AACS: variants seen among roughly 807,000 people sequenced by gnomAD.
AACS encodes acetoacetyl-CoA synthetase.
Under a neutral mutation model 83.1 loss-of-function variants are expected in AACS, and 69 were observed. The observed-to-expected ratio is 0.83, with a 90% CI of 0.68 to 1.01. The LOEUF (loss-of-function observed/expected upper bound fraction) is 1.01, where lower values mean the gene tolerates loss of function less well. Among genes scored for constraint, AACS ranks in the 50% least tolerant of loss-of-function variants. AACS has a pLI of 0.00. For missense variants in AACS, 866 were observed against 882.2 expected, an observed-to-expected ratio of 0.98 and a Z score of 0.23; for synonymous variants, 333 against 343.4, an observed-to-expected ratio of 0.97 and a Z score of 0.33.
At position 125,129,114 on chromosome 12, in the gene AACS, G is replaced by A. The variant is rs1045238810; in HGVS notation, c.1424-221G>A. On this transcript the variant is annotated intron_variant, in intron 13 of 17. Transcript: ENST00000316519. The surrounding 1 kb of genome is among the most constrained non-coding windows in gnomAD (Gnocchi z 4.3). Reference sequence around the variant, plus strand: ...ACACATGGGAATAACAAATCACTACGTCCGAGACAGCGATTTTGGGGAGCA... The same window carrying A: ...ACACATGGGAATAACAAATCACTACATCCGAGACAGCGATTTTGGGGAGCA... 2.7e-5 allele frequency: 13 copies of A among 476,648 alleles called. No homozygotes were observed. Among genetic ancestry groups the A allele is most frequent in the African/African-American group, 1.0e-4 (5 of 49,632 alleles). The allele number at this position is 476,648 out of a possible 1,614,324, so 29.5% of individuals were successfully genotyped here. A position where few individuals can be genotyped will look rare whatever the true frequency, so the allele number is the denominator to read the frequency against.
At chr12:125,088,776 G>A (rs1956396814) in intron 4 of AACS, among the ~76,000 whole-genome samples, 2 of 152,194 alleles carry the variant, frequency 1.3e-5, no homozygotes, top group African/African-American at 4.8e-5. Context: ...TTGAGGAGAC[G>A]CCTGGCCGCG....
chr12:125,095,830 C>A (rs1256509173), intron 5 of AACS, among the ~76,000 whole-genome samples: 2 of 152,178 alleles, frequency 1.3e-5, no homozygotes, highest in East Asian at 3.9e-4. Flanking sequence ...GTGGAGCCAG[C>A]ACAGTGGTGA....
intron 8 of AACS, 30 bp downstream of exon 8, chr12:125,107,298 C>T (rs2297478): frequency 0.3 from 483,956 of 1,605,054 alleles, 75,054 homozygotes; most frequent in East Asian, 0.49. Context: ...TCTGCAGGGC[C>T]TCCTGTTGTC....
At chr12:125,092,401 G>A (rs897619559) in intron 5 of AACS, 1 of 152,382 alleles carries the variant, frequency 6.6e-6, no homozygotes, top group Admixed American at 6.5e-5. Flanking sequence ...GTCCACAGGT[G>A]AGGCTTTTGG....
chr12:125,097,587 C>T lies in AACS; in HGVS notation c.571-5092C>T, dbSNP rs939462270. On this transcript the variant is annotated intron_variant, in intron 5 of 17. Coordinates refer to ENST00000316519, the MANE Select transcript of AACS (RefSeq NM_023928.5). The surrounding 1 kb of genome is among the most constrained non-coding windows in gnomAD (Gnocchi z 4.3). The stretch of plus-strand genomic sequence containing the variant: ...GAGAGAAGCTTGGCTTGGTCTGCGC[C>T]TCCTCCCGTGCCTTCCGCAGTGGCC... Among the ~76,000 whole-genome samples, 6 of 152,162 alleles carry T rather than the reference C, an allele frequency of 3.9e-5. No homozygotes were observed. The highest frequency in any genetic ancestry group is 3.2e-3 in the Middle Eastern group (1 of 316).
intron 3 of AACS, among the ~76,000 whole-genome samples, chr12:125,082,193 A>C (rs1956207014): frequency 7.3e-6 from 1 of 136,130 alleles, no homozygotes; most frequent in Non-Finnish European, 1.5e-5. Context: ...TTTTTTGGAG[A>C]CAGGGTCTTG....
chr12:125,079,460 C>T (rs1455386013), intron 3 of AACS, among the ~76,000 whole-genome samples: 1 of 152,200 alleles, frequency 6.6e-6, no homozygotes, highest in African/African-American at 2.4e-5. Flanking sequence ...TGGCTCACTG[C>T]AGCCTCGACT....
intron 12 of AACS, chr12:125,127,939 G>C (rs1028315051): frequency 7.9e-6 from 3 of 381,822 alleles, no homozygotes; most frequent in Non-Finnish European, 1.4e-5. Context: ...AGGAAGGCTC[G>C]GCTAAAACGT....
intron 3 of AACS, among the ~76,000 whole-genome samples, chr12:125,077,127 G>A (rs1956044681): frequency 6.6e-6 from 1 of 151,026 alleles, no homozygotes; most frequent in Admixed American, 6.6e-5. Flanking sequence ...TGTTGTCCAG[G>A]GAGGTCTTGA....
At chr12:125,133,385 C>T (rs991404040) in intron 14 of AACS, among the ~76,000 whole-genome samples, 2 of 152,232 alleles carry the variant, frequency 1.3e-5, no homozygotes, top group Non-Finnish European at 2.9e-5. Flanking sequence ...AACAGCTGCA[C>T]ATGAGGCCAC....
At chr12:125,075,545 G>T (rs1256929604) in intron 2 of AACS, among the ~76,000 whole-genome samples, 2 of 151,282 alleles carry the variant, frequency 1.3e-5, no homozygotes, top group Admixed American at 1.3e-4. Context: ...GCCTGCCTTG[G>T]CCTGCCAAAG....
At chr12:125,070,662 A>T (rs1186856504) in intron 1 of AACS, among the ~76,000 whole-genome samples, 1 of 152,232 alleles carries the variant, frequency 6.6e-6, no homozygotes, top group Non-Finnish European at 1.5e-5. Context: ...CTATTCAGTG[A>T]GCTCTCTCTG....
rs149953087 is a variant in AACS at position 125,128,252 on chromosome 12, C to T, written c.1401C>T (p.Ala467=). The change falls in exon 13 of 18, where the codon GCC becomes GCT. Residue 467 remains alanine (A), a synonymous_variant. Transcript: ENST00000316519. The part of the protein sequence containing the change: ...GEIQARNLGM[A]VEAWNEEGKA... Reference sequence around the variant, plus strand: ...TTCAGGCCCGGAACCTGGGCATGGCCGTGGAAGCGTGGAACGAGGAAGGTG... The same window carrying T: ...TTCAGGCCCGGAACCTGGGCATGGCTGTGGAAGCGTGGAACGAGGAAGGTG... 60 of 1,611,612 alleles carry T rather than the reference C, an allele frequency of 3.7e-5. 1 individual carries two copies. The Middle Eastern group carries it at 5.0e-4, about 13-fold the overall frequency.
chr12:125,076,708 C>T (rs1956034064), intron 3 of AACS, 97 bp downstream of exon 3: 18 of 1,529,682 alleles, frequency 1.2e-5, no homozygotes, highest in Non-Finnish European at 1.5e-5. Context: ...GATTTCTAAA[C>T]CATATGTTGG....
chr12:125,096,763 T>C (rs928769841), intron 5 of AACS, among the ~76,000 whole-genome samples: 7 of 151,374 alleles, frequency 4.6e-5, no homozygotes, highest in Non-Finnish European at 7.4e-5. Flanking sequence ...TAAGTGGACG[T>C]GGTGTCTTTC....
chr12:125,103,805 G>A (rs150202393), intron 7 of AACS, among the ~76,000 whole-genome samples: 2,349 of 151,758 alleles, frequency 0.015, 68 homozygotes, highest in African/African-American at 0.054. Flanking sequence ...TGGCTAACAC[G>A]GTGAAACCCT....
chr12:125,133,971 G>T (rs576670880), intron 14 of AACS, 32 bp from the exon 15 acceptor site: 226 of 1,613,214 alleles, frequency 1.4e-4, no homozygotes, highest in Middle Eastern at 4.9e-4. Context: ...CCTTCTCCTC[G>T]GGATGACCGG....
At chr12:125,124,815 G>T in intron 11 of AACS, 46 bp downstream of exon 11, 1 of 1,614,082 alleles carries the variant, frequency 6.2e-7, no homozygotes, top group South Asian at 1.1e-5. Context: ...GCCAATCAAG[G>T]AAATTAAATC....
chr12:125,123,886 G>A (rs775712346), intron 10 of AACS: 1 of 152,264 alleles, frequency 6.6e-6, no homozygotes, highest in Admixed American at 6.5e-5. Flanking sequence ...GCGCAGTGAG[G>A]TATATTCAGC....
Sources: allele counts gnomAD v4.1 joint callset (sites outside exome capture counted in the v4.1 genomes callset), GRCh38; gene constraint gnomAD v4.1.1; non-coding constraint Gnocchi (gnomAD v3.1); transcripts MANE v1.5; gene names NCBI Gene and HGNC (gene_info 2026-07-23, HGNC 2026-07-21).